NAALADL2: variants seen among roughly 807,000 people sequenced by gnomAD.
NAALADL2 encodes the protein N-acetylated alpha-linked acidic dipeptidase like 2.
NAALADL2 carries 76 observed loss-of-function variants against 87.2 expected under a neutral mutation model. The ratio of observed to expected loss-of-function variants is 0.87; its 90% CI spans 0.72 to 1.05. NAALADL2 has a LOEUF of 1.05. Among genes scored for constraint, NAALADL2 ranks in the 50% least tolerant of loss-of-function variants. The pLI, the probability that NAALADL2 is intolerant of heterozygous loss-of-function variation, is 0.00. For missense variants in NAALADL2, 1,089 were observed against 945.8 expected (o/e 1.15, Z -1.99); for synonymous variants, 354 against 331.0 (o/e 1.07, Z -0.75).
chr3:174,997,165 TATA>T (rs1747611794), intron 1 of NAALADL2, among the ~76,000 whole-genome samples: 3 of 152,002 alleles, frequency 2.0e-5, no homozygotes, highest in Admixed American at 6.6e-5. Context: ...GTCTTTTTCA[TATA>T]ATGACTTTTT....
chr3:174,544,929 G>T (rs552898019), intron 1 of NAALADL2, among the ~76,000 whole-genome samples: 73 of 152,024 alleles, frequency 4.8e-4, no homozygotes, highest in Non-Finnish European at 7.6e-4. Flanking sequence ...AGGCTGAAGT[G>T]CAGTGGTATG....
chr3:175,090,263 TA>T (rs1423619788), intron 1 of NAALADL2, among the ~76,000 whole-genome samples: 53 of 152,200 alleles, frequency 3.5e-4, no homozygotes, highest in African/African-American at 1.2e-3. Flanking sequence ...ATATCCTAAA[TA>T]ATACCAAGTG....
At chr3:175,169,868 G>A (rs1262420160) in intron 2 of NAALADL2, among the ~76,000 whole-genome samples, 4 of 151,820 alleles carry the variant, frequency 2.6e-5, no homozygotes, top group Non-Finnish European at 5.9e-5. Flanking sequence ...GCAGTTGCAG[G>A]TGGTGGTTTA....
chr3:174,943,393 G>T (rs984190830), intron 1 of NAALADL2, among the ~76,000 whole-genome samples: 4 of 152,122 alleles, frequency 2.6e-5, no homozygotes, highest in Non-Finnish European at 5.9e-5. Context: ...GCTCAGTTGT[G>T]TGGCTCCCCT....
chr3:174,636,784 A>G (rs1046951802), intron 2 of NAALADL2, among the ~76,000 whole-genome samples: 5 of 152,178 alleles, frequency 3.3e-5, no homozygotes, highest in African/African-American at 9.6e-5. Flanking sequence ...AACTAAAAAT[A>G]GAACGATCAT....
intron 4 of NAALADL2, among the ~76,000 whole-genome samples, chr3:175,290,490 G>A (rs1252876217): frequency 6.6e-6 from 1 of 152,096 alleles, no homozygotes; most frequent in African/African-American, 2.4e-5. Flanking sequence ...TGGGAGTTGG[G>A]GGATGATGGA....
rs540204613 is a variant in NAALADL2, at chr3:175,741,438, T to C, written c.1990+4039T>C. The stretch of plus-strand genomic sequence containing the variant: ...TAGGGGTTAGATTTAAACATGAATT[T>C]TGGGGGACATAGCATTCATACCAAA... On this transcript the variant is annotated intron_variant, in intron 12 of 13. Coordinates refer to ENST00000454872, the MANE Select transcript of NAALADL2 (RefSeq NM_207015.3). Among the ~76,000 whole-genome samples the C allele has an allele frequency of 2.6e-5, 4 of 152,202 alleles. No individual in the cohort carries two copies. In the East Asian group the frequency reaches 5.8e-4, roughly 22 times the overall value.
intron 5 of NAALADL2, among the ~76,000 whole-genome samples, chr3:175,368,862 T>C (rs924605645): frequency 6.6e-6 from 1 of 151,956 alleles, no homozygotes; most frequent in Admixed American, 6.6e-5. Flanking sequence ...TCTAAACATA[T>C]CTAAACACAG....
intron 4 of NAALADL2, among the ~76,000 whole-genome samples, chr3:175,286,051 A>G (rs1754932348): frequency 6.6e-6 from 1 of 152,212 alleles, no homozygotes; most frequent in Non-Finnish European, 1.5e-5. Flanking sequence ...GAAAGAGAAT[A>G]CAAGCTGAGG....
chr3:175,674,704 A>C (rs1175668405), intron 11 of NAALADL2, among the ~76,000 whole-genome samples: 1 of 152,174 alleles, frequency 6.6e-6, no homozygotes. Context: ...TTATGTTTAA[A>C]AATGAGGATC....
intron 2 of NAALADL2, among the ~76,000 whole-genome samples, chr3:175,138,887 A>AATATATATATATATATATATATAT (rs58824117): frequency 2.1e-5 from 2 of 95,486 alleles, no homozygotes; most frequent in Non-Finnish European, 3.7e-5. Context: ...AGCCTTTTAA[A>AATATATATATATATATATATATAT]ATATATATAT....
intron 1 of NAALADL2, among the ~76,000 whole-genome samples, chr3:175,057,655 C>A (rs1026887303): frequency 6.6e-6 from 1 of 152,156 alleles, no homozygotes; most frequent in South Asian, 2.1e-4. Flanking sequence ...GCAGTGAGAG[C>A]CTTAGGTGGC....
chr3:174,887,379 T>A (rs73045479), intron 1 of NAALADL2, among the ~76,000 whole-genome samples: 13,005 of 150,802 alleles, frequency 0.086, 619 homozygotes, highest in Middle Eastern at 0.12. Context: ...TTATTAATGG[T>A]ATTAATCAAT....
chr3:175,243,851 C>T (rs1187207134), intron 3 of NAALADL2, among the ~76,000 whole-genome samples: 1 of 152,092 alleles, frequency 6.6e-6, no homozygotes, highest in Non-Finnish European at 1.5e-5. Flanking sequence ...ACCTTCTCCA[C>T]AGAACTAATG....
At chr3:175,020,933 A>C (rs1338617407) in intron 1 of NAALADL2, among the ~76,000 whole-genome samples, 5 of 152,076 alleles carry the variant, frequency 3.3e-5, no homozygotes, top group African/African-American at 1.2e-4. Context: ...GGTTTGCAAT[A>C]GCATATTCAA....
At chr3:174,939,839 T>G (rs913376542) in intron 1 of NAALADL2, among the ~76,000 whole-genome samples, 2 of 152,114 alleles carry the variant, frequency 1.3e-5, no homozygotes, top group African/African-American at 4.8e-5. Flanking sequence ...TGCTAGTGAT[T>G]TTTGTACATT....
chr3:174,791,052 T>C (rs1717405341), intron 3 of NAALADL2, among the ~76,000 whole-genome samples: 1 of 152,180 alleles, frequency 6.6e-6, no homozygotes, highest in Admixed American at 6.6e-5. Flanking sequence ...ACAAGAGTTA[T>C]TACTCCACTG....
chr3:175,140,768 A>C (rs1184056319), intron 2 of NAALADL2, among the ~76,000 whole-genome samples: 1 of 152,210 alleles, frequency 6.6e-6, no homozygotes, highest in Non-Finnish European at 1.5e-5. Context: ...ACTTCATGGA[A>C]AAGTCAATGG....
At chr3:174,902,893 G>A (rs1732480852) in intron 1 of NAALADL2, among the ~76,000 whole-genome samples, 1 of 152,044 alleles carries the variant, frequency 6.6e-6, no homozygotes, top group Non-Finnish European at 1.5e-5. Flanking sequence ...TATTCTCCCA[G>A]AAACAAGAAG....
Sources: gnomAD v4.1 joint callset for allele counts (sites outside exome capture counted in the v4.1 genomes callset) on GRCh38, gnomAD v4.1.1 for gene constraint, MANE v1.5 for transcripts, NCBI Gene and HGNC (gene_info 2026-07-23, HGNC 2026-07-21) for gene names.